The following BAALC variants were observed in gnomAD, a reference collection of about 807,000 sequenced individuals.
BAALC encodes the protein BAALC binder of MAP3K1 and KLF4.
In BAALC, 9 loss-of-function variants were observed where a neutral mutation model predicts 15.5. The observed-to-expected ratio is 0.58, with a 90% CI of 0.35 to 1.02. The LOEUF (loss-of-function observed/expected upper bound fraction) is 1.02. BAALC is among the 50% of genes least tolerant of loss of function. BAALC has a pLI of 0.02. For missense variants in BAALC, 201 were observed against 192.4 expected, an observed-to-expected ratio of 1.04 and a Z score of -0.27; for synonymous variants, 80 against 74.6, an observed-to-expected ratio of 1.07 and a Z score of -0.37.
At chr8:103,198,291 T>C (rs1462293478) in intron 1 of BAALC, 2 of 539,094 alleles carry the variant, frequency 3.7e-6, no homozygotes, top group South Asian at 2.7e-5. Flanking sequence ...TTAAATGTGA[T>C]ATAATAACTA....
chr8:103,140,872 G>T lies in BAALC; in HGVS notation c.-26G>T, dbSNP rs935063656. The T allele has an allele frequency of 1.4e-6, 2 of 1,481,078 alleles. No homozygotes were observed. The highest frequency in any genetic ancestry group is 2.4e-5 in the Admixed American group (1 of 41,180). 91.7% of individuals were successfully genotyped at this position (1,481,078 alleles called of 1,614,324 possible). A position where few individuals can be genotyped will look rare whatever the true frequency, so the allele number is the denominator to read the frequency against. Reference sequence around the variant, plus strand: ...CGCCAGAGCCGACAGCCGAGCAGCCGCTGGGCGCTCCCGCGGCGCAGGAGG... The same window carrying T: ...CGCCAGAGCCGACAGCCGAGCAGCCTCTGGGCGCTCCCGCGGCGCAGGAGG... On this transcript the variant is annotated 5_prime_UTR_variant, in exon 1 of 3. Coordinates refer to ENST00000309982, the MANE Select transcript of BAALC (RefSeq NM_024812.3). This position sits in a 1 kb window ranked among gnomAD's most constrained non-coding sequence, Gnocchi z 4.2.
At chr8:103,201,414 T>C (rs1465096649) in intron 1 of BAALC, among the ~76,000 whole-genome samples, 1 of 151,960 alleles carries the variant, frequency 6.6e-6, no homozygotes, top group Non-Finnish European at 1.5e-5. Flanking sequence ...GGTAAACAAT[T>C]CCCTGAAGAG....
intron 1 of BAALC, among the ~76,000 whole-genome samples, chr8:103,196,575 C>T (rs1400472235): frequency 6.6e-6 from 1 of 152,220 alleles, no homozygotes; most frequent in African/African-American, 2.4e-5. Flanking sequence ...GACACCACAC[C>T]TGGCCAGATT....
intron 1 of BAALC, among the ~76,000 whole-genome samples, chr8:103,145,541 G>A (rs1810862109): frequency 6.6e-6 from 1 of 152,288 alleles, no homozygotes; most frequent in South Asian, 2.1e-4. Context: ...GGCAATACAA[G>A]GTGTGCTATG....
chr8:103,229,600 A>C lies in BAALC; in HGVS notation c.*1501A>C, dbSNP rs1415566886. 4 of 152,206 alleles carry C rather than the reference A, an allele frequency of 2.6e-5. No homozygotes were observed. Among genetic ancestry groups the C allele is most frequent in the Non-Finnish European group, 5.9e-5 (4 of 68,044 alleles). The allele number at this position is 152,206 out of a possible 1,614,324, so 9.4% of individuals were successfully genotyped here. On this transcript the variant is annotated 3_prime_UTR_variant, in exon 3 of 3. Transcript: ENST00000309982. ...GGGGTCTGGTTAGTCGTGACTATCTATCCTGAATCTAACAGTGACTTCATA... is the reference window on the plus strand; with the variant it reads ...GGGGTCTGGTTAGTCGTGACTATCTCTCCTGAATCTAACAGTGACTTCATA...
rs529171771 is a variant in BAALC, at chr8:103,195,073, T to G, written c.161-17846T>G. On this transcript the variant is annotated intron_variant, in intron 1 of 2. Coordinates refer to ENST00000309982, the MANE Select transcript of BAALC (RefSeq NM_024812.3). The stretch of plus-strand genomic sequence containing the variant: ...TTTTTGAGGCTGGAGACCCTTCCTG[T>G]TCTGCACAAAGTTGGCCCTGTAGAC... Among the ~76,000 whole-genome samples the G allele has an allele frequency of 3.1e-4, 47 of 152,264 alleles. 2 individuals carry two copies. In the South Asian group the frequency reaches 9.6e-3, roughly 31 times the overall value.
intron 2 of BAALC, among the ~76,000 whole-genome samples, chr8:103,224,596 C>T (rs1417430847): frequency 6.6e-6 from 1 of 151,992 alleles, no homozygotes; most frequent in Non-Finnish European, 1.5e-5. Flanking sequence ...CAGCCGACTT[C>T]AGGGAGAGCA....
chr8:103,212,595 G>A (rs771528419), intron 1 of BAALC, among the ~76,000 whole-genome samples: 2 of 152,030 alleles, frequency 1.3e-5, no homozygotes, highest in African/African-American at 2.4e-5. Flanking sequence ...ATGAAAATGT[G>A]GAAACAAATA....
chr8:103,206,904 G>A (rs1389373826), intron 1 of BAALC, among the ~76,000 whole-genome samples: 3 of 152,164 alleles, frequency 2.0e-5, no homozygotes, highest in Admixed American at 2.0e-4. Context: ...TAGAAGCAAA[G>A]GAGCTGGGCT....
intron 1 of BAALC, among the ~76,000 whole-genome samples, chr8:103,159,960 A>G (rs777829902): frequency 6.6e-6 from 1 of 152,090 alleles, no homozygotes; most frequent in African/African-American, 2.4e-5. Flanking sequence ...ATTTTTAAAG[A>G]GACTATGTGT....
At chr8:103,198,391 C>T (rs1032244040) in intron 1 of BAALC, among the ~76,000 whole-genome samples, 1 of 152,056 alleles carries the variant, frequency 6.6e-6, no homozygotes, top group Non-Finnish European at 1.5e-5. Flanking sequence ...TCTTAAAAAT[C>T]ATTCTTATTT....
intron 2 of BAALC, among the ~76,000 whole-genome samples, chr8:103,221,541 G>A (rs1421945386): frequency 1.3e-5 from 2 of 151,906 alleles, no homozygotes; most frequent in African/African-American, 4.8e-5. Context: ...GGGGGGTGAT[G>A]TTAAAAAAGG....
At chr8:103,159,232 T>C (rs1011140656) in intron 1 of BAALC, among the ~76,000 whole-genome samples, 4 of 152,190 alleles carry the variant, frequency 2.6e-5, no homozygotes, top group Non-Finnish European at 4.4e-5. Context: ...TTTTTTGTGA[T>C]GTTAAGATTG....
At chr8:103,148,406 A>G (rs1442071993) in intron 1 of BAALC, among the ~76,000 whole-genome samples, 5 of 152,194 alleles carry the variant, frequency 3.3e-5, no homozygotes, top group African/African-American at 1.2e-4. Context: ...CTGTGGGTAC[A>G]TAGTAGGTGT....
chr8:103,175,684 G>A (rs1811592664), intron 1 of BAALC, among the ~76,000 whole-genome samples: 1 of 152,230 alleles, frequency 6.6e-6, no homozygotes, highest in African/African-American at 2.4e-5. Context: ...GCCTTTGGGT[G>A]GCATTTGTCT....
At chr8:103,211,218 A>T (rs561590760) in intron 1 of BAALC, among the ~76,000 whole-genome samples, 1 of 152,126 alleles carries the variant, frequency 6.6e-6, no homozygotes, top group Non-Finnish European at 1.5e-5. Context: ...CTAGCCTCTC[A>T]TCTACAACTC....
chr8:103,197,186 A>AT (rs1009698522), intron 1 of BAALC, among the ~76,000 whole-genome samples: 6 of 152,294 alleles, frequency 3.9e-5, no homozygotes, highest in African/African-American at 1.2e-4. Context: ...TTCATTGTAG[A>AT]TTTTTTTGTT....
At chr8:103,141,122 TGA>T (rs1325516134) in intron 1 of BAALC, 65 bp downstream of exon 1, 2 of 1,372,118 alleles carry the variant, frequency 1.5e-6, no homozygotes, top group African/African-American at 3.1e-5. Flanking sequence ...GCCCGGGCAC[TGA>T]GAGAGGAGCC....
At chr8:103,155,277 C>T (rs374738052) in intron 1 of BAALC, among the ~76,000 whole-genome samples, 217 of 152,172 alleles carry the variant, frequency 1.4e-3, no homozygotes, top group African/African-American at 5.1e-3. Flanking sequence ...AACCATGATA[C>T]CATCATCACA....
Sources: allele counts gnomAD v4.1 joint callset (sites outside exome capture counted in the v4.1 genomes callset), GRCh38; gene constraint gnomAD v4.1.1; non-coding constraint Gnocchi (gnomAD v3.1); transcripts MANE v1.5; gene names NCBI Gene and HGNC (gene_info 2026-07-23, HGNC 2026-07-21).